CSMD1: variants seen among roughly 807,000 people sequenced by gnomAD.
CSMD1 encodes the protein CUB and Sushi multiple domains 1, also known as CUB and sushi domain-containing protein 1.
Under a neutral mutation model 417.5 loss-of-function variants are expected in CSMD1, and 213 were observed. The observed-to-expected ratio is 0.51, with a 90% CI of 0.46 to 0.57. CSMD1 has a LOEUF of 0.57. CSMD1 is among the 20% of genes least tolerant of loss of function. CSMD1 has a pLI of 0.00. For synonymous variants in CSMD1, 2,862 were observed against 1,736.8 expected (o/e 1.65, Z -16.11); for missense variants, 6,923 against 4,529.7 (o/e 1.53, Z -15.17).
intron 1 of CSMD1, among the ~76,000 whole-genome samples, chr8:4,964,867 G>C (rs993138790): frequency 6.6e-5 from 10 of 152,154 alleles, no homozygotes; most frequent in African/African-American, 2.2e-4. Context: ...AATTGCTCCA[G>C]CTGTATTTGA....
intron 15 of CSMD1, among the ~76,000 whole-genome samples, chr8:3,400,967 AC>A: frequency 6.8e-6 from 1 of 148,042 alleles, no homozygotes; most frequent in Non-Finnish European, 1.5e-5. Context: ...CCAAAATTAT[AC>A]TTATTAATAT....
intron 20 of CSMD1, among the ~76,000 whole-genome samples, chr8:3,366,617 T>C (rs1449364542): frequency 6.6e-6 from 1 of 152,164 alleles, no homozygotes; most frequent in African/African-American, 2.4e-5. Flanking sequence ...GAGGTGGTTG[T>C]CAATGCAAAT....
chr8:4,172,272 T>C (rs2131141362), intron 3 of CSMD1, among the ~76,000 whole-genome samples: 1 of 152,302 alleles, frequency 6.6e-6, no homozygotes, highest in East Asian at 1.9e-4. Flanking sequence ...GGAATCCTCT[T>C]TGTTTCCTCT....
Position 3,096,829 on chromosome 8 carries a change from C to A in CSMD1, c.7138+20G>T, listed in dbSNP as rs769836907. 6.6e-7 allele frequency: 1 copy of A among 1,510,286 alleles called. No homozygotes were observed. Among genetic ancestry groups the A allele is most frequent in the South Asian group, 1.2e-5 (1 of 80,632 alleles). The allele number at this position is 1,510,286 out of a possible 1,614,324, so 93.6% of individuals were successfully genotyped here. A position where few individuals can be genotyped will look rare whatever the true frequency, so the allele number is the denominator to read the frequency against. On this transcript the variant is annotated intron_variant, in intron 47 of 69. Transcript: ENST00000635120. Reference sequence around the variant, plus strand: ...CAATGATGCCGAGGTCACTGCTCTACAAAGATTAAAGAAACTTACCATCAA... The same window carrying A: ...CAATGATGCCGAGGTCACTGCTCTAAAAAGATTAAAGAAACTTACCATCAA...
chr8:4,913,946 C>G (rs1805871229), intron 1 of CSMD1, among the ~76,000 whole-genome samples: 2 of 152,154 alleles, frequency 1.3e-5, no homozygotes, highest in Admixed American at 1.3e-4. Context: ...AAATAGGGCT[C>G]TAATTAATTG....
intron 3 of CSMD1, among the ~76,000 whole-genome samples, chr8:4,105,083 C>T (rs949534442): frequency 1.3e-5 from 2 of 152,110 alleles, no homozygotes; most frequent in East Asian, 1.9e-4. Context: ...AAAGTAAAGA[C>T]AGCAAGGGAG....
intron 41 of CSMD1, among the ~76,000 whole-genome samples, chr8:3,138,022 C>G (rs569384091): frequency 6.6e-6 from 1 of 152,160 alleles, no homozygotes; most frequent in East Asian, 1.9e-4. Context: ...GTCAGGAGTT[C>G]GAGACCAACC....
chr8:4,145,926 T>C (rs146127179), intron 3 of CSMD1, among the ~76,000 whole-genome samples: 9 of 150,934 alleles, frequency 6.0e-5, no homozygotes, highest in Non-Finnish European at 8.8e-5. Flanking sequence ...ATTGGCCCCA[T>C]TGTTTGTAAG....
At chr8:3,736,507 A>C (rs1563325197) in intron 6 of CSMD1, among the ~76,000 whole-genome samples, 2 of 152,290 alleles carry the variant, frequency 1.3e-5, no homozygotes, top group East Asian at 3.9e-4. Flanking sequence ...AGCTTCCCAA[A>C]TTGCTGGGAT....
intron 41 of CSMD1, among the ~76,000 whole-genome samples, chr8:3,135,651 G>T (rs1818035305): frequency 6.7e-6 from 1 of 149,216 alleles, no homozygotes; most frequent in African/African-American, 2.5e-5. Flanking sequence ...TCACATTTCT[G>T]ACTCTGTGAA....
intron 54 of CSMD1, among the ~76,000 whole-genome samples, chr8:2,979,388 T>A (rs971477158): frequency 2.6e-5 from 4 of 152,240 alleles, no homozygotes; most frequent in African/African-American, 9.6e-5. Context: ...GAGGCAGTCT[T>A]CTGCGGCATG....
intron 3 of CSMD1, among the ~76,000 whole-genome samples, chr8:4,399,341 T>G (rs1013002789): frequency 7.2e-5 from 11 of 152,190 alleles, no homozygotes; most frequent in South Asian, 2.1e-4. Flanking sequence ...ATACACCATA[T>G]AGTGAAGTAC....
chr8:3,855,473 C>A (rs1392104285), intron 5 of CSMD1, among the ~76,000 whole-genome samples: 2 of 152,090 alleles, frequency 1.3e-5, no homozygotes, highest in Non-Finnish European at 2.9e-5. Flanking sequence ...GTGAAATGTG[C>A]TAGTTATGAA....
chr8:3,987,871 T>C (rs150806607), intron 5 of CSMD1, among the ~76,000 whole-genome samples: 1 of 152,190 alleles, frequency 6.6e-6, no homozygotes, highest in African/African-American at 2.4e-5. Context: ...CAGGGTCCAA[T>C]CTGTTTGGCA....
chr8:3,402,886 G>A (rs151122580), intron 15 of CSMD1, among the ~76,000 whole-genome samples: 1,872 of 151,290 alleles, frequency 0.012, 49 homozygotes, highest in East Asian at 0.095. Context: ...TGATCATTTT[G>A]TTCTACGTTA....
rs772963727 is a variant in CSMD1 at position 3,408,198 on chromosome 8, G to A, written c.1772C>T (p.Ser591Leu). Reference protein sequence around the residue: ...VFSCFFNFTASSGIILSPNYP... With the variant: ...VFSCFFNFTALSGIILSPNYP... Reference sequence around the variant, plus strand: ...ATTTGGTGACAGAATAATCCCAGATGATGCCGTAAAGTTGAAGAAACATGA... The same window carrying A: ...ATTTGGTGACAGAATAATCCCAGATAATGCCGTAAAGTTGAAGAAACATGA... Residue 591 changes from serine to leucine, a missense_variant, in exon 14 of 70, where the codon TCA becomes TTA. Transcript: ENST00000635120. 6 of 1,608,040 alleles carry A rather than the reference G, an allele frequency of 3.7e-6. No homozygotes were observed. The highest frequency in any genetic ancestry group is 1.3e-5 in the African/African-American group (1 of 74,762).
chr8:3,085,330 G>A (rs1814448856), intron 49 of CSMD1, among the ~76,000 whole-genome samples: 1 of 152,192 alleles, frequency 6.6e-6, no homozygotes, highest in Admixed American at 6.5e-5. Context: ...AGGTTAACAG[G>A]AAGTGTAGAA....
At chr8:3,032,900 A>G (rs1044655367) in intron 50 of CSMD1, among the ~76,000 whole-genome samples, 4 of 152,092 alleles carry the variant, frequency 2.6e-5, no homozygotes, top group Non-Finnish European at 4.4e-5. Context: ...AATTTTCCTC[A>G]TAAGTTTAAG....
At position 3,162,145 on chromosome 8, in the gene CSMD1, G is replaced by C. The variant is rs188811037; in HGVS notation, c.5844+14C>G. 1.3e-6 allele frequency: 2 copies of C among 1,530,532 alleles called. No homozygotes were observed. The highest frequency in any genetic ancestry group is 1.8e-6 in the Non-Finnish European group (2 of 1,113,542). The allele number at this position is 1,530,532 out of a possible 1,614,324, so 94.8% of individuals were successfully genotyped here. ...CATGTGTATGTTATTCCTGAGCACTGAGAAGAAGGATACCTGCAGGGTGTA... is the reference window on the plus strand; with the variant it reads ...CATGTGTATGTTATTCCTGAGCACTCAGAAGAAGGATACCTGCAGGGTGTA... On this transcript the variant is annotated intron_variant, in intron 38 of 69. Coordinates refer to ENST00000635120, the MANE Select transcript of CSMD1 (RefSeq NM_033225.6).
Sources: allele counts gnomAD v4.1 joint callset (sites outside exome capture counted in the v4.1 genomes callset), GRCh38; gene constraint gnomAD v4.1.1; transcripts MANE v1.5; gene names NCBI Gene and HGNC (gene_info 2026-07-23, HGNC 2026-07-21).